Variants in TMEM74B observed in about 807,000 individuals in gnomAD.
TMEM74B encodes transmembrane protein 74B, also known as transmembrane protein C20orf46.
A neutral mutation model predicts 6.5 loss-of-function variants in TMEM74B; 7 were observed. The observed-to-expected ratio is 1.07, with a 90% CI of 0.61 to 2.01. The LOEUF is 2.01. Among genes scored for constraint, TMEM74B ranks in the 30% most tolerant of loss-of-function variants. TMEM74B has a pLI of 0.00. For missense variants in TMEM74B, 342 were observed against 337.0 expected (o/e 1.01, Z -0.12); for synonymous variants, 151 against 151.6 (o/e 1.00, Z 0.03).
In TMEM74B at chr20:1,180,814, G is replaced by A. The variant is rs772340908; in HGVS notation, c.*34C>T. On this transcript the variant is annotated 3_prime_UTR_variant, in exon 3 of 3. Coordinates refer to ENST00000429036, the MANE Select transcript of TMEM74B (RefSeq NM_001304748.2). This position sits in a 1 kb window ranked among gnomAD's most constrained non-coding sequence, Gnocchi z 6.1. ...AGCAGGGGGTGGACCTTGTAGCACT[G>A]GAGCTAAAGCAGCCAGATAAGGTGG... The A allele has an allele frequency of 2.6e-6, 4 of 1,534,298 alleles. No homozygotes were observed. The highest frequency in any genetic ancestry group is 3.5e-6 in the Non-Finnish European group (4 of 1,139,268).
chr20:1,185,424 T>G (rs1049581806), upstream of TMEM74B: 3 of 131,620 alleles, frequency 2.3e-5, no homozygotes, highest in South Asian at 2.7e-4. Flanking sequence ...ACGGCGGCGG[T>G]GGCGGCCGCT....
At chr20:1,189,094 G>A (rs1480412982), upstream of TMEM74B, 2 of 152,174 alleles carry the variant, frequency 1.3e-5, no homozygotes, top group African/African-American at 2.4e-5. The surrounding 1 kb of genome is among the most constrained non-coding windows in gnomAD (Gnocchi z 4.5). Context: ...GTCAAATCAC[G>A]TCGCTAGTAG....
chr20:1,183,843 G>T lies in TMEM74B; in HGVS notation c.-42C>A. On this transcript the variant is annotated 5_prime_UTR_variant, in exon 2 of 3. Transcript: ENST00000429036. ...CCTGGCTCTGCATCCCTCACTCATA[G>T]ACTCTTCATTTTATCCAGCTGTTTA... The T allele has an allele frequency of 1.2e-6, 2 of 1,611,814 alleles. No individual in the cohort carries two copies. Among genetic ancestry groups the T allele is most frequent in the South Asian group, 1.1e-5 (1 of 90,662 alleles).
Position 1,184,877 on chromosome 20 carries a change from G to C in TMEM74B, c.-723C>G, listed in dbSNP as rs956549889. On this transcript the variant is annotated 5_prime_UTR_variant, in exon 1 of 3. Transcript: ENST00000429036. This position sits in a 1 kb window ranked among gnomAD's most constrained non-coding sequence, Gnocchi z 6.0. ...TCCACGCTGTTGTACCCAAAGTTGC[G>C]CGCAGAAAGCCCCAGCACGCCGGCT... is the stretch of plus-strand genomic sequence containing the variant. Among the ~76,000 whole-genome samples, 4 of 152,220 alleles carry C rather than the reference G, an allele frequency of 2.6e-5. No individual in the cohort carries two copies. The highest frequency in any genetic ancestry group is 9.6e-5 in the African/African-American group (4 of 41,472).
In TMEM74B at chr20:1,184,970, G is replaced by T. The variant is rs1325365261; in HGVS notation, c.-816C>A. On this transcript the variant is annotated 5_prime_UTR_variant, in exon 1 of 3. Transcript: ENST00000429036. This position sits in a 1 kb window ranked among gnomAD's most constrained non-coding sequence, Gnocchi z 6.0. ...CTCCTGCCCTTGCCCACAGACGCGG[G>T]ACCCGGAAGGCCGAACCGGACCAGG... 3.3e-5 allele frequency among the ~76,000 whole-genome samples: 5 copies of T among 152,194 alleles called. No individual in the cohort carries two copies. The highest frequency in any genetic ancestry group is 7.4e-5 in the Non-Finnish European group (5 of 68,026).
intron 2 of TMEM74B, among the ~76,000 whole-genome samples, chr20:1,182,253 T>C (rs938764855): frequency 7.3e-5 from 11 of 151,478 alleles, no homozygotes; most frequent in Non-Finnish European, 1.3e-4. Context: ...TTTCTGGGAG[T>C]TGGTGGCATT....
chr20:1,181,415 C>T lies in TMEM74B; in HGVS notation c.204G>A (p.Glu68=), dbSNP rs2086864008. The change falls in exon 3 of 3, where the codon GAG becomes GAA. Residue 68 remains glutamate (E), a synonymous_variant. Coordinates refer to ENST00000429036, the MANE Select transcript of TMEM74B (RefSeq NM_001304748.2). The surrounding 1 kb of genome is among the most constrained non-coding windows in gnomAD (Gnocchi z 4.9). ...GVENACFSSE[E]HETHFQNPGN... is the part of the protein sequence containing the mutation. ...CAGGGTTCTGGAAATGGGTCTCATG[C>T]TCCTCTGAGGAGAAGCAGGCATTCT... 2 of 1,526,710 alleles carry T rather than the reference C, an allele frequency of 1.3e-6. No homozygotes were observed. The highest frequency in any genetic ancestry group is 1.8e-6 in the Non-Finnish European group (2 of 1,137,090). The allele number at this position is 1,526,710 out of a possible 1,614,324, so 94.6% of individuals were successfully genotyped here.
In TMEM74B at chr20:1,180,671, C is replaced by A; in HGVS notation, c.*177G>T. 1 of 769,170 alleles carries A rather than the reference C, an allele frequency of 1.3e-6. No homozygotes were observed. The highest frequency in any genetic ancestry group is 3.4e-5 in the South Asian group (1 of 29,276). The allele number at this position is 769,170 out of a possible 1,614,324, so 47.6% of individuals were successfully genotyped here. ...AAAACAGATCAGTGGGCTGCTTGCC[C>A]GTGTGGGGCATGGGCTGGGCCCCGA... On this transcript the variant is annotated 3_prime_UTR_variant, in exon 3 of 3. Transcript: ENST00000429036. This position sits in a 1 kb window ranked among gnomAD's most constrained non-coding sequence, Gnocchi z 6.1.
chr20:1,183,358 G>A (rs763249861), intron 2 of TMEM74B, among the ~76,000 whole-genome samples: 14 of 151,800 alleles, frequency 9.2e-5, no homozygotes, highest in Non-Finnish European at 1.6e-4. Context: ...ATGAAGTGAG[G>A]ATGAATGGAA....
rs2086838734 is a variant in TMEM74B at position 1,180,744 on chromosome 20, C to T, written c.*104G>A. 2 of 1,470,390 alleles carry T rather than the reference C, an allele frequency of 1.4e-6. No homozygotes were observed. Among genetic ancestry groups the T allele is most frequent in the African/African-American group, 2.8e-5 (2 of 70,798 alleles). 91.1% of individuals were successfully genotyped at this position (1,470,390 alleles called of 1,614,324 possible). On this transcript the variant is annotated 3_prime_UTR_variant, in exon 3 of 3. Coordinates refer to ENST00000429036, the MANE Select transcript of TMEM74B (RefSeq NM_001304748.2). The surrounding 1 kb of genome is among the most constrained non-coding windows in gnomAD (Gnocchi z 6.1). ...CTTCTTCCACAAGGCCCTATGTGAG[C>T]TCAGTTTAAAACCCCAGGGCCTTGG...
chr20:1,188,321 C>T (rs924587154), upstream of TMEM74B, among the ~76,000 whole-genome samples: 1 of 151,866 alleles, frequency 6.6e-6, no homozygotes, highest in African/African-American at 2.4e-5. Flanking sequence ...TCCAAGGCTC[C>T]TTGAAGAAAT....
At chr20:1,185,175 G>A (rs1007703019), upstream of TMEM74B, 16 of 152,112 alleles carry the variant, frequency 1.1e-4, no homozygotes, top group African/African-American at 3.4e-4. Context: ...CCACGCTGGG[G>A]CGAAGGGCGC....
Position 1,183,864 on chromosome 20 carries a change from G to T in TMEM74B, c.-63C>A. ...CATAGACTCTTCATTTTATCCAGCT[G>T]TTTATCAGCAACCGTGAGCACCTTG... On this transcript the variant is annotated 5_prime_UTR_variant, in exon 2 of 3. Transcript: ENST00000429036. The T allele has an allele frequency of 6.3e-7, 1 of 1,599,454 alleles. No individual in the cohort carries two copies. The highest frequency in any genetic ancestry group is 1.7e-5 in the Admixed American group (1 of 58,962).
upstream of TMEM74B, among the ~76,000 whole-genome samples, chr20:1,188,576 C>T (rs1031486663): frequency 2.9e-4 from 43 of 148,404 alleles, 1 homozygote; most frequent in Admixed American, 6.7e-5. Flanking sequence ...ACACACCACA[C>T]GCACTACACA....
chr20:1,185,571 G>A (rs1323375509), upstream of TMEM74B, among the ~76,000 whole-genome samples: 1 of 151,866 alleles, frequency 6.6e-6, no homozygotes, highest in African/African-American at 2.4e-5. Context: ...GGGACAGGAA[G>A]GCGGGTGATG....
intron 2 of TMEM74B, 81 bp downstream of exon 2, chr20:1,183,690 C>G: frequency 6.4e-7 from 1 of 1,550,654 alleles, no homozygotes; most frequent in Non-Finnish European, 8.9e-7. Flanking sequence ...TAAAACATGG[C>G]CAAGATCCCA....
At position 1,181,184 on chromosome 20, in the gene TMEM74B, A is replaced by T; in HGVS notation, c.435T>A (p.Arg145=). 6.2e-7 allele frequency: 1 copy of T among 1,614,106 alleles called. No individual in the cohort carries two copies. Among genetic ancestry groups the T allele is most frequent in the Non-Finnish European group, 8.5e-7 (1 of 1,180,022 alleles). The change falls in exon 3 of 3, where the codon CGT becomes CGA. Residue 145 remains arginine (R), a synonymous_variant. Coordinates refer to ENST00000429036, the MANE Select transcript of TMEM74B (RefSeq NM_001304748.2). This position sits in a 1 kb window ranked among gnomAD's most constrained non-coding sequence, Gnocchi z 4.9. ...CTGTGTCCGGATTGACTCGAGCCTC[A>T]CGGGGGATGGCGTATGCTGTCACCA... is the stretch of plus-strand genomic sequence containing the variant. The part of the protein sequence containing the change: ...LLVVTAYAIP[R]EARVNPDTVT...
chr20:1,183,643 A>G, intron 2 of TMEM74B, 128 bp downstream of exon 2: 1 of 1,148,448 alleles, frequency 8.7e-7, no homozygotes, highest in Non-Finnish European at 1.3e-6. Flanking sequence ...TATCACCCTC[A>G]CCAGCCCCAC....
rs571736537 is a variant in TMEM74B at position 1,184,710 on chromosome 20, C to G, written c.-556G>C. On this transcript the variant is annotated 5_prime_UTR_variant, in exon 1 of 3. Transcript: ENST00000429036. The surrounding 1 kb of genome is among the most constrained non-coding windows in gnomAD (Gnocchi z 6.0). ...AGATCCACCAAGACCCGCAGGGGCC[C>G]AATACCCCACCCGCCGCGCGCACTG... 11 of 152,642 alleles carry G rather than the reference C, an allele frequency of 7.2e-5. No individual in the cohort carries two copies. Among genetic ancestry groups the G allele is most frequent in the African/African-American group, 2.6e-4 (11 of 41,548 alleles). 9.5% of individuals were successfully genotyped at this position (152,642 alleles called of 1,614,324 possible).
Sources: allele counts gnomAD v4.1 joint callset (sites outside exome capture counted in the v4.1 genomes callset), GRCh38; gene constraint gnomAD v4.1.1; non-coding constraint Gnocchi (gnomAD v3.1); transcripts MANE v1.5; gene names NCBI Gene and HGNC (gene_info 2026-07-23, HGNC 2026-07-21).